The following LRMDA variants were observed in gnomAD, a reference collection of about 807,000 sequenced individuals.
The protein encoded by LRMDA is leucine rich melanocyte differentiation associated, also known as leucine-rich melanocyte differentiation-associated protein.
LRMDA carries 18 observed loss-of-function variants against 29.8 expected under a neutral mutation model. The observed-to-expected ratio is 0.60, with a 90% CI of 0.42 to 0.90. LRMDA has a LOEUF of 0.90. Ranked by LOEUF, LRMDA falls within the 40% of genes least tolerant of loss-of-function variation. The pLI, the probability that LRMDA is intolerant of heterozygous loss-of-function variation, is 0.00. For synonymous variants in LRMDA, 125 were observed against 109.4 expected (o/e 1.14, Z -0.89); for missense variants, 273 against 273.9 (o/e 1.00, Z 0.02).
chr10:75,690,994 T>TATAC lies in LRMDA; in HGVS notation c.131+252501_131+252502insTACA, dbSNP rs1232064510. Among the ~76,000 whole-genome samples, 78 of 100,054 alleles carry TATAC rather than the reference T, an allele frequency of 7.8e-4. 1 individual carries two copies. The highest frequency in any genetic ancestry group is 2.2e-3 in the South Asian group (6 of 2,688). 65.6% of individuals were successfully genotyped at this position (100,054 alleles called of 152,430 possible). On this transcript the variant is annotated intron_variant, in intron 2 of 6. Transcript: ENST00000611255. Reference sequence around the variant, plus strand: ...TAAAAAAAAAATATATATATATATATACACACACACACACACACACACACA... The same window carrying TATAC: ...TAAAAAAAAAATATATATATATATATATACACACACACACACACACACACACACA...
intron 6 of LRMDA, among the ~76,000 whole-genome samples, chr10:76,350,490 T>A (rs1841162695): frequency 6.6e-6 from 1 of 151,520 alleles, no homozygotes; most frequent in Admixed American, 6.6e-5. Flanking sequence ...ATGTCACCTC[T>A]CCCCATGACA....
chr10:75,935,232 C>G (rs1039781528), intron 2 of LRMDA, among the ~76,000 whole-genome samples: 1 of 152,198 alleles, frequency 6.6e-6, no homozygotes, highest in Non-Finnish European at 1.5e-5. Flanking sequence ...AAATTTAAAA[C>G]TGCCCAAGAT....
chr10:76,215,370 C>T (rs1851710896), intron 5 of LRMDA, among the ~76,000 whole-genome samples: 1 of 152,084 alleles, frequency 6.6e-6, no homozygotes, highest in African/African-American at 2.4e-5. Flanking sequence ...TCAGCTATCC[C>T]CATATCTGGC....
chr10:76,520,995 T>A (rs1843113114), intron 6 of LRMDA, among the ~76,000 whole-genome samples: 1 of 152,174 alleles, frequency 6.6e-6, no homozygotes, highest in Non-Finnish European at 1.5e-5. Context: ...ATTAACTCCC[T>A]ATTATGAATT....
At chr10:75,697,139 C>A (rs1842244782) in intron 2 of LRMDA, among the ~76,000 whole-genome samples, 1 of 152,014 alleles carries the variant, frequency 6.6e-6, no homozygotes, top group African/African-American at 2.4e-5. Flanking sequence ...GAGGTGAGAT[C>A]AGTAGGAACT....
intron 2 of LRMDA, among the ~76,000 whole-genome samples, chr10:75,991,908 C>G (rs934712019): frequency 5.3e-5 from 8 of 152,230 alleles, no homozygotes; most frequent in Non-Finnish European, 1.2e-4. Context: ...AGTACCACTT[C>G]AAGTGGACAT....
intron 5 of LRMDA, among the ~76,000 whole-genome samples, chr10:76,157,952 C>T (rs1850570305): frequency 6.6e-6 from 1 of 151,066 alleles, no homozygotes; most frequent in African/African-American, 2.4e-5. Flanking sequence ...GCAGTTGTAA[C>T]ACAATGGTAA....
At chr10:75,958,025 G>A (rs954187247) in intron 2 of LRMDA, among the ~76,000 whole-genome samples, 1 of 152,214 alleles carries the variant, frequency 6.6e-6, no homozygotes, top group African/African-American at 2.4e-5. Context: ...AGGGCAAAAA[G>A]GAGATGGTAT....
chr10:75,676,865 T>C (rs1285638359), intron 2 of LRMDA, among the ~76,000 whole-genome samples: 1 of 152,174 alleles, frequency 6.6e-6, no homozygotes, highest in Non-Finnish European at 1.5e-5. Flanking sequence ...ATTTGCCACC[T>C]TTGGCCCCAC....
chr10:76,236,832 T>A (rs1159356604), intron 5 of LRMDA, among the ~76,000 whole-genome samples: 1 of 152,268 alleles, frequency 6.6e-6, no homozygotes, highest in Non-Finnish European at 1.5e-5. Context: ...ATTGAAATAC[T>A]GTTATCAAAA....
chr10:76,530,459 A>G (rs1239544756), intron 6 of LRMDA, among the ~76,000 whole-genome samples: 3 of 152,172 alleles, frequency 2.0e-5, no homozygotes, highest in African/African-American at 7.2e-5. Flanking sequence ...AAAGGAAAAA[A>G]GGGCAAAAAT....
chr10:75,667,223 C>CA (rs1347553382), intron 2 of LRMDA, among the ~76,000 whole-genome samples: 1 of 149,348 alleles, frequency 6.7e-6, no homozygotes, highest in Non-Finnish European at 1.5e-5. Flanking sequence ...TTTTATAACC[C>CA]CCCCCCCCAA....
chr10:75,584,323 T>G (rs1048870443), intron 2 of LRMDA, among the ~76,000 whole-genome samples: 2 of 152,134 alleles, frequency 1.3e-5, no homozygotes, highest in African/African-American at 4.8e-5. Context: ...ACCTCCCCCC[T>G]AGAAAAAACT....
At chr10:76,032,151 C>A (rs577650035) in intron 2 of LRMDA, among the ~76,000 whole-genome samples, 19 of 152,318 alleles carry the variant, frequency 1.2e-4, no homozygotes, top group African/African-American at 4.6e-4. Context: ...GGGCCCGGGC[C>A]CTGGCTCTTC....
intron 2 of LRMDA, among the ~76,000 whole-genome samples, chr10:75,777,868 A>G (rs1843333049): frequency 6.6e-6 from 1 of 152,232 alleles, no homozygotes; most frequent in African/African-American, 2.4e-5. Context: ...ATATATTTAT[A>G]TATAACACAG....
At chr10:76,190,912 T>C (rs1851233076) in intron 5 of LRMDA, among the ~76,000 whole-genome samples, 1 of 152,210 alleles carries the variant, frequency 6.6e-6, no homozygotes. Flanking sequence ...TAATTGGTAA[T>C]GATTAGGGCT....
At chr10:75,455,682 GGGC>G (rs1844507410) in intron 2 of LRMDA, among the ~76,000 whole-genome samples, 1 of 152,146 alleles carries the variant, frequency 6.6e-6, no homozygotes, top group Non-Finnish European at 1.5e-5. Context: ...TCCTAGACAG[GGGC>G]ATACCTTATG....
Position 76,039,175 on chromosome 10 carries a change from G to A in LRMDA, c.258+3041G>A, listed in dbSNP as rs568532939. On this transcript the variant is annotated intron_variant, in intron 3 of 6. Coordinates refer to ENST00000611255, the MANE Select transcript of LRMDA (RefSeq NM_001305581.2). ...CACATACCAACTGTAGAACAAATAT[G>A]GGAAGGGACTGCACAGGGTGTATGT... Among the ~76,000 whole-genome samples, 7 of 152,322 alleles carry A rather than the reference G, an allele frequency of 4.6e-5. No homozygotes were observed. In the South Asian group the frequency reaches 1.5e-3, roughly 32 times the overall value.
intron 6 of LRMDA, among the ~76,000 whole-genome samples, chr10:76,458,133 A>AAAG (rs1262707558): frequency 6.8e-6 from 1 of 147,220 alleles, no homozygotes; most frequent in Non-Finnish European, 1.5e-5. Flanking sequence ...TTCAAAAAAA[A>AAAG]AAAAAACTTG....
Sources: gnomAD v4.1 joint callset for allele counts (sites outside exome capture counted in the v4.1 genomes callset) on GRCh38, gnomAD v4.1.1 for gene constraint, MANE v1.5 for transcripts, NCBI Gene and HGNC (gene_info 2026-07-23, HGNC 2026-07-21) for gene names.